Variants in TIAM1 observed in about 807,000 individuals in gnomAD.
TIAM1 encodes rho guanine nucleotide exchange factor TIAM1.
In TIAM1, 65 loss-of-function variants were observed where a neutral mutation model predicts 163.5. The ratio of observed to expected loss-of-function variants is 0.40; its 90% CI spans 0.33 to 0.49. The LOEUF (loss-of-function observed/expected upper bound fraction) is 0.49. Among genes scored for constraint, TIAM1 ranks in the 20% least tolerant of loss-of-function variants. The probability of loss-of-function intolerance (pLI) is 0.77; values close to 1 mark genes in which losing one functional copy is unlikely to be tolerated. For synonymous variants in TIAM1, 833 were observed against 810.1 expected (o/e 1.03, Z -0.48); for missense variants, 1,789 against 2,044.7 (o/e 0.87, Z 2.41).
At chr21:31,541,705 A>G (rs945918822) in intron 1 of TIAM1, among the ~76,000 whole-genome samples, 2 of 152,218 alleles carry the variant, frequency 1.3e-5, no homozygotes, top group Non-Finnish European at 2.9e-5. Context: ...ACAATTATAT[A>G]AAAAGTACAT....
chr21:31,130,214 T>C lies in TIAM1; in HGVS notation c.4044A>G (p.Ala1348=). Reference sequence around the variant, plus strand: ...TACCCAGCACAGGTGAGAGTTTACCTGCACTCGCCAAAGCTCGAACCTGCA... The same window carrying C: ...TACCCAGCACAGGTGAGAGTTTACCCGCACTCGCCAAAGCTCGAACCTGCA... ...EALQVRALAS[A]DAEANAVCEI... Residue 1348 remains alanine, a splice_region_variant and synonymous_variant, in exon 25 of 28, where the codon GCA becomes GCG. Coordinates refer to ENST00000541036, the MANE Select transcript of TIAM1 (RefSeq NM_001353694.2). 6.2e-7 allele frequency: 1 copy of C among 1,613,810 alleles called. No individual in the cohort carries two copies. Among genetic ancestry groups the C allele is most frequent in the Middle Eastern group, 1.7e-4 (1 of 6,056 alleles).
chr21:31,141,584 G>T lies in TIAM1; in HGVS notation c.3476-80C>A. The T allele has an allele frequency of 6.5e-7, 1 of 1,533,264 alleles. No individual in the cohort carries two copies. Among genetic ancestry groups the T allele is most frequent in the South Asian group, 1.2e-5 (1 of 80,772 alleles). The allele number at this position is 1,533,264 out of a possible 1,614,324, so 95.0% of individuals were successfully genotyped here. A position where few individuals can be genotyped will look rare whatever the true frequency, so the allele number is the denominator to read the frequency against. On this transcript the variant is annotated intron_variant, in intron 20 of 27. Transcript: ENST00000541036. This position sits in a 1 kb window ranked among gnomAD's most constrained non-coding sequence, Gnocchi z 4.7. ...CCACAATTTCCCTCCCTTCCTCAGT[G>T]ACTCCAAGGTGCCTTTTTGCAGGAC...
chr21:31,120,445 C>T lies in TIAM1; in HGVS notation c.4699G>A (p.Glu1567Lys). Residue 1567 changes from glutamate (E) to lysine (K), a missense_variant, in exon 28 of 28, where the codon GAG becomes AAG. This residue lies in a region of TIAM1 where 415 missense variants were observed against 439.2 expected (regional missense o/e 0.94). Transcript: ENST00000541036. The surrounding 1 kb of genome is among the most constrained non-coding windows in gnomAD (Gnocchi z 4.2). ...CAAATGACTTCCTCGCTTGCGCTCT[C>T]CAGGCCTCCATTGATCCCCGACAGG... is the stretch of plus-strand genomic sequence containing the variant. ...AALSGINGGL[E>K]SASEEVIWVR... 1 of 1,614,240 alleles carries T rather than the reference C, an allele frequency of 6.2e-7. No individual in the cohort carries two copies. Among genetic ancestry groups the T allele is most frequent in the Non-Finnish European group, 8.5e-7 (1 of 1,180,056 alleles).
chr21:31,362,923 T>C (rs925972521), intron 2 of TIAM1, among the ~76,000 whole-genome samples: 1 of 152,140 alleles, frequency 6.6e-6, no homozygotes, highest in Non-Finnish European at 1.5e-5. Context: ...GTATTTTTTT[T>C]GCATAGGATT....
At chr21:31,145,949 TCA>T (rs1262392772) in intron 20 of TIAM1, among the ~76,000 whole-genome samples, 3 of 152,170 alleles carry the variant, frequency 2.0e-5, no homozygotes, top group Non-Finnish European at 2.9e-5. Flanking sequence ...CACTTAAAAG[TCA>T]CAGTTTCCAA....
At chr21:31,283,898 C>A (rs571908946) in intron 2 of TIAM1, among the ~76,000 whole-genome samples, 179 of 152,274 alleles carry the variant, frequency 1.2e-3, no homozygotes, top group African/African-American at 3.8e-3. Context: ...TTCCACCCAA[C>A]ACTCCAAGAG....
intron 4 of TIAM1, among the ~76,000 whole-genome samples, chr21:31,263,951 G>T (rs539846273): frequency 6.6e-6 from 1 of 152,196 alleles, no homozygotes; most frequent in Non-Finnish European, 1.5e-5. Flanking sequence ...AGTAGCCCTC[G>T]CAGGGTAGAC....
intron 2 of TIAM1, among the ~76,000 whole-genome samples, chr21:31,328,869 C>T (rs115156942): frequency 0.02 from 3,084 of 152,202 alleles, 108 homozygotes; most frequent in African/African-American, 0.07. Context: ...TGGTCTCGAA[C>T]TCCCAGGCTC....
At chr21:31,227,996 G>A (rs997736841) in intron 6 of TIAM1, among the ~76,000 whole-genome samples, 7 of 151,568 alleles carry the variant, frequency 4.6e-5, no homozygotes, top group East Asian at 3.9e-4. Context: ...TCCGCCTCCC[G>A]AGTTCAAGTG....
intron 2 of TIAM1, among the ~76,000 whole-genome samples, chr21:31,334,117 T>C (rs566259242): frequency 2.9e-4 from 44 of 152,372 alleles, no homozygotes; most frequent in African/African-American, 1.1e-3. Context: ...ACGCTTGGTT[T>C]GCATGCAGGC....
chr21:31,242,267 C>G (rs143929738), intron 6 of TIAM1, among the ~76,000 whole-genome samples: 11 of 152,280 alleles, frequency 7.2e-5, no homozygotes, highest in African/African-American at 2.2e-4. Context: ...TGCCTGTAAT[C>G]CCAGCACTTT....
chr21:31,332,408 A>C (rs1462665765), intron 2 of TIAM1, among the ~76,000 whole-genome samples: 2 of 152,192 alleles, frequency 1.3e-5, no homozygotes, highest in Non-Finnish European at 2.9e-5. Context: ...CCTGAGCAAC[A>C]GGCTCAACTA....
chr21:31,175,964 C>G (rs2084745287), intron 15 of TIAM1, among the ~76,000 whole-genome samples: 1 of 152,068 alleles, frequency 6.6e-6, no homozygotes, highest in Non-Finnish European at 1.5e-5. Context: ...ATTGATGTTC[C>G]CTGCAACATT....
chr21:31,501,748 A>G (rs549433230), intron 1 of TIAM1, among the ~76,000 whole-genome samples: 2 of 152,270 alleles, frequency 1.3e-5, no homozygotes, highest in Admixed American at 1.3e-4. Context: ...GATTACAGGC[A>G]TCTACCACCA....
At chr21:31,295,974 T>C (rs1420986594) in intron 2 of TIAM1, among the ~76,000 whole-genome samples, 1 of 152,136 alleles carries the variant, frequency 6.6e-6, no homozygotes, top group Non-Finnish European at 1.5e-5. Flanking sequence ...ATTTTTTGTA[T>C]GTTTACTAGA....
chr21:31,546,560 GAAA>G (rs1569425737), intron 1 of TIAM1, among the ~76,000 whole-genome samples: 1 of 46,810 alleles, frequency 2.1e-5, no homozygotes, highest in Non-Finnish European at 4.2e-5. Flanking sequence ...AAAAAAAAAA[GAAA>G]GAAAGAAAGA....
chr21:31,342,414 C>T (rs2076047403), intron 1 of TIAM1, among the ~76,000 whole-genome samples: 1 of 152,188 alleles, frequency 6.6e-6, no homozygotes, highest in Non-Finnish European at 1.5e-5. Context: ...CACATCTACA[C>T]GGTCATATAC....
At chr21:31,557,139 C>T (rs1601097189) in intron 1 of TIAM1, among the ~76,000 whole-genome samples, 1 of 152,186 alleles carries the variant, frequency 6.6e-6, no homozygotes, top group African/African-American at 2.4e-5. Context: ...GAAGAAACAA[C>T]TAAAACCTAA....
chr21:31,409,463 G>A (rs1365086064), intron 2 of TIAM1, among the ~76,000 whole-genome samples: 1 of 152,078 alleles, frequency 6.6e-6, no homozygotes, highest in African/African-American at 2.4e-5. Flanking sequence ...CTCACAGACT[G>A]CCCCTCCACC....
Sources: gnomAD v4.1 joint callset for allele counts (sites outside exome capture counted in the v4.1 genomes callset) on GRCh38, gnomAD v4.1.1 for gene constraint, gnomAD v4.1.1 regional missense constraint, Gnocchi (gnomAD v3.1) non-coding constraint, MANE v1.5 for transcripts, NCBI Gene and HGNC (gene_info 2026-07-23, HGNC 2026-07-21) for gene names.